The following FRYL variants were observed in gnomAD, a reference collection of about 807,000 sequenced individuals.
FRYL encodes the protein FRY like transcription coactivator.
Under a neutral mutation model 351.2 loss-of-function variants are expected in FRYL, and 150 were observed. The ratio of observed to expected loss-of-function variants is 0.43; its 90% CI spans 0.37 to 0.49. FRYL has a LOEUF of 0.49. FRYL is among the 20% of genes least tolerant of loss of function. The pLI is 0.00. For synonymous variants in FRYL, 1,153 were observed against 1,257.1 expected (o/e 0.92, Z 1.75); for missense variants, 3,036 against 3,619.3 (o/e 0.84, Z 4.13).
At chr4:48,600,432 C>T (rs1006738478) in intron 13 of FRYL, among the ~76,000 whole-genome samples, 5 of 152,138 alleles carry the variant, frequency 3.3e-5, no homozygotes, top group African/African-American at 1.2e-4. Flanking sequence ...TGCTAAGTGG[C>T]TCTTATCTCC....
At chr4:48,763,646 T>C (rs1289325484) in intron 1 of FRYL, among the ~76,000 whole-genome samples, 1 of 152,080 alleles carries the variant, frequency 6.6e-6, no homozygotes, top group Non-Finnish European at 1.5e-5. Flanking sequence ...ATTTGAGCTT[T>C]ACTAAGGCCA....
At chr4:48,630,868 C>T (rs1039408312) in intron 4 of FRYL, among the ~76,000 whole-genome samples, 3 of 152,146 alleles carry the variant, frequency 2.0e-5, no homozygotes, top group Non-Finnish European at 4.4e-5. Context: ...CAAGGCCAGC[C>T]TCCTTGTATC....
intron 3 of FRYL, among the ~76,000 whole-genome samples, chr4:48,673,250 C>T (rs1307786117): frequency 6.6e-5 from 10 of 152,178 alleles, no homozygotes; most frequent in Admixed American, 2.0e-4. Flanking sequence ...TCATTAAAGA[C>T]AGTTTCAAAG....
intron 2 of FRYL, among the ~76,000 whole-genome samples, chr4:48,688,429 G>A (rs1160458312): frequency 4.6e-5 from 7 of 152,028 alleles, no homozygotes; most frequent in Non-Finnish European, 5.9e-5. Flanking sequence ...ATAATCAAGC[G>A]CAGGCAGCAA....
chr4:48,761,669 A>T (rs1293809638), intron 1 of FRYL, among the ~76,000 whole-genome samples: 1 of 152,186 alleles, frequency 6.6e-6, no homozygotes, highest in Admixed American at 6.5e-5. Flanking sequence ...AAGTATCTAA[A>T]CATAGAAAAG....
intron 18 of FRYL, among the ~76,000 whole-genome samples, chr4:48,588,246 A>G (rs1742551100): frequency 6.6e-6 from 1 of 152,252 alleles, no homozygotes; most frequent in South Asian, 2.1e-4. Flanking sequence ...AAGAGGAAGT[A>G]CCACAAAGAA....
chr4:48,627,289 T>A (rs1752029572), intron 4 of FRYL, among the ~76,000 whole-genome samples: 1 of 152,110 alleles, frequency 6.6e-6, no homozygotes, highest in South Asian at 2.1e-4. Context: ...TTTGACTTAT[T>A]TGATCCCCCC....
rs941389601 is a variant in FRYL at position 48,728,347 on chromosome 4, A to G, written c.-383-17649T>C. 3.3e-5 allele frequency among the ~76,000 whole-genome samples: 5 copies of G among 151,256 alleles called. No individual in the cohort carries two copies. The East Asian group carries it at 5.8e-4, about 18-fold the overall frequency. ...AAGCAAAGAGTAAAAAGAGTGGGGG[A>G]AAAAAAAACAGAGGACGAAACACAA... On this transcript the variant is annotated intron_variant, in intron 1 of 63. Coordinates refer to ENST00000358350, the MANE Select transcript of FRYL (RefSeq NM_015030.2).
chr4:48,723,652 C>T (rs1769741115), intron 1 of FRYL, among the ~76,000 whole-genome samples: 1 of 152,124 alleles, frequency 6.6e-6, no homozygotes, highest in Non-Finnish European at 1.5e-5. Flanking sequence ...CTAACTCAGA[C>T]CATTTATCTC....
In FRYL at chr4:48,567,132, T is replaced by A; in HGVS notation, c.3169+116A>T. The A allele has an allele frequency of 1.3e-6, 1 of 752,276 alleles. No homozygotes were observed. The highest frequency in any genetic ancestry group is 2.0e-6 in the Non-Finnish European group (1 of 497,700). 46.6% of individuals were successfully genotyped at this position (752,276 alleles called of 1,614,324 possible). ...CAGCCATCCAGGTTATGCTGACATA[T>A]TTTTCCAGTATGTTCATACGTTACT... is the stretch of plus-strand genomic sequence containing the variant. On this transcript the variant is annotated intron_variant, in intron 28 of 63. Transcript: ENST00000358350. This position sits in a 1 kb window ranked among gnomAD's most constrained non-coding sequence, Gnocchi z 4.2.
intron 2 of FRYL, among the ~76,000 whole-genome samples, chr4:48,694,962 T>C (rs1374879237): frequency 3.3e-5 from 5 of 152,084 alleles, no homozygotes; most frequent in Non-Finnish European, 7.4e-5. Context: ...AGTCCCAGGC[T>C]AAGGTGAGAG....
intron 17 of FRYL, 77 bp from the exon 18 acceptor site, chr4:48,589,954 T>G: frequency 2.4e-6 from 3 of 1,271,458 alleles, no homozygotes; most frequent in Non-Finnish European, 1.1e-6. Flanking sequence ...TAAAAGCCTA[T>G]TAATCTTTAA....
At chr4:48,763,773 G>T (rs1332290074) in intron 1 of FRYL, among the ~76,000 whole-genome samples, 1 of 152,152 alleles carries the variant, frequency 6.6e-6, no homozygotes, top group East Asian at 1.9e-4. Flanking sequence ...ACATGTACTA[G>T]AAGTCCATAT....
At position 48,535,827 on chromosome 4, in the gene FRYL, C is replaced by A; in HGVS notation, c.6394G>T (p.Val2132Phe). The change falls in exon 48 of 64, where the codon GTT becomes TTT. Residue 2132 changes from valine (V) to phenylalanine (F), a missense_variant and splice_region_variant. By Grantham distance (50) the Val-to-Phe change is conservative (BLOSUM62 -1). Coordinates refer to ENST00000358350, the MANE Select transcript of FRYL (RefSeq NM_015030.2). ...CKETASRIAK[V>F]CAEEKCPTLV... Reference sequence around the variant, plus strand: ...GTTGGGCATTTTTCTTCTGCACAAACCTAGAAAACAAATAAAATTATTTCA... The same window carrying A: ...GTTGGGCATTTTTCTTCTGCACAAAACTAGAAAACAAATAAAATTATTTCA... The A allele has an allele frequency of 5.3e-6, 8 of 1,500,798 alleles. No individual in the cohort carries two copies. The highest frequency in any genetic ancestry group is 1.4e-5 in the South Asian group (1 of 72,498). 93.0% of individuals were successfully genotyped at this position (1,500,798 alleles called of 1,614,324 possible).
chr4:48,560,693 A>C (rs1274304709), intron 33 of FRYL, among the ~76,000 whole-genome samples: 2 of 152,174 alleles, frequency 1.3e-5, no homozygotes, highest in Non-Finnish European at 2.9e-5. Flanking sequence ...AAAAAGGAAG[A>C]GGCATTGCTA....
At chr4:48,533,807 C>T (rs538783651) in intron 49 of FRYL, among the ~76,000 whole-genome samples, 4 of 152,308 alleles carry the variant, frequency 2.6e-5, no homozygotes, top group East Asian at 1.9e-4. Context: ...AAATATCTGG[C>T]ACTTTTTATC....
chr4:48,596,194 T>C (rs543582201), intron 13 of FRYL, among the ~76,000 whole-genome samples, 194 bp from the exon 14 acceptor site: 13 of 149,736 alleles, frequency 8.7e-5, no homozygotes, highest in Non-Finnish European at 2.0e-4. Context: ...TTGAGCCCTT[T>C]CTTACACTTT....
intron 2 of FRYL, among the ~76,000 whole-genome samples, chr4:48,688,025 T>C (rs1004831769): frequency 1.3e-5 from 2 of 152,208 alleles, no homozygotes; most frequent in African/African-American, 2.4e-5. Context: ...AAAAAGATTA[T>C]GGTAAATTAC....
chr4:48,550,464 C>A, intron 38 of FRYL, 128 bp downstream of exon 38: 1 of 613,932 alleles, frequency 1.6e-6, no homozygotes. Context: ...TATGTTGGAA[C>A]ACCACTAGTG....
Sources: gnomAD v4.1 joint callset for allele counts (sites outside exome capture counted in the v4.1 genomes callset) on GRCh38, gnomAD v4.1.1 for gene constraint, Gnocchi (gnomAD v3.1) non-coding constraint, MANE v1.5 for transcripts, NCBI Gene and HGNC (gene_info 2026-07-23, HGNC 2026-07-21) for gene names.